CDON: variants seen among roughly 807,000 people sequenced by gnomAD.
The protein encoded by CDON is cell adhesion molecule-related/down-regulated by oncogenes.
In CDON, 73 loss-of-function variants were observed where a neutral mutation model predicts 120.9. That is an observed-to-expected ratio of 0.60 (90% CI 0.50 to 0.73). The LOEUF is 0.73. Among genes scored for constraint, CDON ranks in the 30% least tolerant of loss-of-function variants. The pLI is 0.00. For missense variants in CDON, 1,470 were observed against 1,587.3 expected (o/e 0.93, Z 1.26); for synonymous variants, 566 against 573.5 (o/e 0.99, Z 0.19).
chr11:126,054,670 G>A (rs992231137), intron 1 of CDON, among the ~76,000 whole-genome samples: 4 of 152,072 alleles, frequency 2.6e-5, no homozygotes. Flanking sequence ...AAGAATATTG[G>A]GCCCCACCCC....
In CDON at chr11:126,010,458, G is replaced by C. The variant is rs1193229994; in HGVS notation, c.1435C>G (p.Gln479Glu). 1 of 1,614,158 alleles carries C rather than the reference G, an allele frequency of 6.2e-7. No homozygotes were observed. Among genetic ancestry groups the C allele is most frequent in the Admixed American group, 1.7e-5 (1 of 60,026 alleles). Residue 479 changes from glutamine (Q) to glutamate (E), a missense_variant, in exon 8 of 20, where the codon CAA (glutamine) becomes GAA (glutamate). Physicochemically the swap from Gln to Glu is conservative, Grantham distance 29. Coordinates refer to ENST00000531738, the MANE Select transcript of CDON (RefSeq NM_001378964.1). ...NLEPVYFVLS[Q>E]AGASSLHIQA... is the part of the protein sequence containing the mutation. ...ATATGGAGAGAGCTTGCACCAGCTT[G>C]GGACAGGACGAAGTACACAGGCTCC... is the stretch of plus-strand genomic sequence containing the variant.
At chr11:126,018,076 T>C (rs1947521833) in intron 5 of CDON, among the ~76,000 whole-genome samples, 1 of 152,110 alleles carries the variant, frequency 6.6e-6, no homozygotes, top group South Asian at 2.1e-4. Flanking sequence ...ATTTTTGTAT[T>C]TTTATTAGAG....
chr11:125,998,430 C>T (rs963951730), intron 11 of CDON, among the ~76,000 whole-genome samples: 5 of 152,092 alleles, frequency 3.3e-5, no homozygotes, highest in South Asian at 2.1e-4. Context: ...AAGCATGTGG[C>T]GTCTCTCTTG....
At chr11:125,967,427 A>G (rs1382140714) in intron 18 of CDON, among the ~76,000 whole-genome samples, 11 of 152,094 alleles carry the variant, frequency 7.2e-5, no homozygotes, top group African/African-American at 2.7e-4. Flanking sequence ...TGTGATCTGT[A>G]AGGTCCTTCT....
At chr11:126,020,403 C>T (rs1947598645) in intron 3 of CDON, among the ~76,000 whole-genome samples, 1 of 152,150 alleles carries the variant, frequency 6.6e-6, no homozygotes, top group African/African-American at 2.4e-5. Context: ...GGTCTCAATT[C>T]CTCTCAGTCT....
At chr11:126,001,957 A>T (rs1946959827) in intron 10 of CDON, 107 bp from the exon 11 acceptor site, 1 of 825,698 alleles carries the variant, frequency 1.2e-6, no homozygotes, top group Non-Finnish European at 2.1e-6. Context: ...AAATTTATGA[A>T]CTTATCAGAC....
At chr11:126,011,547 C>G (rs776904562) in intron 7 of CDON, among the ~76,000 whole-genome samples, 5 of 151,978 alleles carry the variant, frequency 3.3e-5, no homozygotes. Flanking sequence ...TGTGAAATGC[C>G]TTTGTCAGTT....
chr11:126,059,549 A>T (rs1412472641), intron 1 of CDON, among the ~76,000 whole-genome samples: 1 of 140,334 alleles, frequency 7.1e-6, no homozygotes, highest in Non-Finnish European at 1.5e-5. Context: ...ACATACACAC[A>T]TACAAAAAAG....
At chr11:126,009,777 C>A (rs1384262220) in intron 8 of CDON, among the ~76,000 whole-genome samples, 1 of 152,116 alleles carries the variant, frequency 6.6e-6, no homozygotes, top group Non-Finnish European at 1.5e-5. Flanking sequence ...AGTTTGAGTC[C>A]ATTTCCATGA....
chr11:126,015,358 C>A lies in CDON; in HGVS notation c.1081G>T (p.Ala361Ser), dbSNP rs1565530019. Residue 361 changes from alanine to serine, a missense_variant, in exon 7 of 20, where the codon GCA becomes TCA. Ala to Ser is a moderately conservative substitution (Grantham distance 99). Transcript: ENST00000531738. ...PIHPSARHLT[A>S]GNGLKISGVT... Reference sequence around the variant, plus strand: ...CCACTGATTTTCAGTCCGTTTCCTGCAGTTAGATGTCGTGCAGAAGGATGA... The same window carrying A: ...CCACTGATTTTCAGTCCGTTTCCTGAAGTTAGATGTCGTGCAGAAGGATGA... 5 of 1,614,140 alleles carry A rather than the reference C, an allele frequency of 3.1e-6. No individual in the cohort carries two copies. Among genetic ancestry groups the A allele is most frequent in the Non-Finnish European group, 4.2e-6 (5 of 1,180,024 alleles).
At chr11:126,036,304 A>T (rs1218219462) in intron 1 of CDON, among the ~76,000 whole-genome samples, 1 of 152,170 alleles carries the variant, frequency 6.6e-6, no homozygotes, top group African/African-American at 2.4e-5. Context: ...ACTATTTCCA[A>T]AAAATCAATT....
At chr11:126,028,402 C>G (rs2134739029) in intron 1 of CDON, among the ~76,000 whole-genome samples, 1 of 151,730 alleles carries the variant, frequency 6.6e-6, no homozygotes, top group African/African-American at 2.4e-5. Flanking sequence ...ATCTTGCTGT[C>G]ACCCAGGCTG....
chr11:126,022,162 T>C (rs773650032), intron 2 of CDON, among the ~76,000 whole-genome samples: 16 of 143,918 alleles, frequency 1.1e-4, no homozygotes, highest in Admixed American at 2.1e-4. Flanking sequence ...TTTAATAAAG[T>C]GACTTGGAAG....
At chr11:126,027,906 TA>T (rs1947836186) in intron 1 of CDON, among the ~76,000 whole-genome samples, 1 of 151,758 alleles carries the variant, frequency 6.6e-6, no homozygotes, top group Non-Finnish European at 1.5e-5. Context: ...TGTAAAAATT[TA>T]AAACAGAATT....
intron 18 of CDON, among the ~76,000 whole-genome samples, chr11:125,977,177 G>C (rs79282261): frequency 0.031 from 4,754 of 152,228 alleles, 275 homozygotes; most frequent in African/African-American, 0.11. Context: ...TGCAAAACCA[G>C]GGTCATATAG....
At position 126,019,176 on chromosome 11, in the gene CDON, C is replaced by T. The variant is rs147494904; in HGVS notation, c.496+443G>A. ...CAACAATGGCCAGGCACAAGTGCTA[C>T]GGCAAGGAAAAGAGCAGACAAAAAC... On this transcript the variant is annotated intron_variant, in intron 4 of 19. Coordinates refer to ENST00000531738, the MANE Select transcript of CDON (RefSeq NM_001378964.1). 6.3e-4 allele frequency among the ~76,000 whole-genome samples: 96 copies of T among 152,092 alleles called. 2 individuals carry two copies. In the South Asian group the frequency reaches 0.019, roughly 30 times the overall value.
Position 125,960,910 on chromosome 11 carries a change from A to C in CDON, c.*32T>G. 6.2e-7 allele frequency: 1 copy of C among 1,610,906 alleles called. No individual in the cohort carries two copies. Among genetic ancestry groups the C allele is most frequent in the Non-Finnish European group, 8.5e-7 (1 of 1,177,852 alleles). On this transcript the variant is annotated 3_prime_UTR_variant, in exon 20 of 20. Transcript: ENST00000531738. ...CCTGTTGTGTGCAGTTACCGGCTTG[A>C]AGTTGGAACATGACTGGTTGTTTGC...
chr11:125,964,178 G>A (rs75790332), intron 18 of CDON, among the ~76,000 whole-genome samples: 3,717 of 152,286 alleles, frequency 0.024, 79 homozygotes, highest in East Asian at 0.07. Context: ...GACTCTAAAC[G>A]GGGTGAAATG....
chr11:126,029,010 T>C (rs1161954809), intron 1 of CDON, among the ~76,000 whole-genome samples: 3 of 152,054 alleles, frequency 2.0e-5, no homozygotes, highest in African/African-American at 7.2e-5. Flanking sequence ...CAAGTCGTGT[T>C]CCAAAAAGAG....
Sources: allele counts gnomAD v4.1 joint callset (sites outside exome capture counted in the v4.1 genomes callset), GRCh38; gene constraint gnomAD v4.1.1; transcripts MANE v1.5; gene names NCBI Gene and HGNC (gene_info 2026-07-23, HGNC 2026-07-21).